The following TP73 variants were observed in gnomAD, a reference collection of about 807,000 sequenced individuals.
The protein encoded by TP73 is tumor protein p73.
Under a neutral mutation model 62.5 loss-of-function variants are expected in TP73, and 25 were observed. The observed-to-expected ratio is 0.40, with a 90% CI of 0.29 to 0.56. The LOEUF (loss-of-function observed/expected upper bound fraction) is 0.56, where lower values mean the gene tolerates loss of function less well. Among genes scored for constraint, TP73 ranks in the 20% least tolerant of loss-of-function variants. TP73 has a pLI of 0.46. For missense variants in TP73, 754 were observed against 913.3 expected (o/e 0.83, Z 2.25); for synonymous variants, 423 against 377.5 (o/e 1.12, Z -1.40).
chr1:3,666,458 C>T lies in TP73; in HGVS notation c.-34+13817C>T, dbSNP rs908500976. 5.9e-5 allele frequency among the ~76,000 whole-genome samples: 9 copies of T among 152,296 alleles called. No individual in the cohort carries two copies. Among genetic ancestry groups the T allele is most frequent in the Non-Finnish European group, 1.0e-4 (7 of 68,026 alleles). ...GGTCATATTGACAGTTTCACTTCTG[C>T]GGCATGCCCTCAGGAACTCACTGAT... On this transcript the variant is annotated intron_variant, in intron 1 of 13. Coordinates refer to ENST00000378295, the MANE Select transcript of TP73 (RefSeq NM_005427.4). The surrounding 1 kb of genome is among the most constrained non-coding windows in gnomAD (Gnocchi z 6.4).
At chr1:3,719,411 C>T (rs1213970576) in intron 4 of TP73, among the ~76,000 whole-genome samples, 2 of 152,240 alleles carry the variant, frequency 1.3e-5, no homozygotes, top group Non-Finnish European at 2.9e-5. Flanking sequence ...TTCCTCTCCC[C>T]TGCTCGGGGC....
In TP73 at chr1:3,662,922, A is replaced by G. The variant is rs1220846211; in HGVS notation, c.-34+10281A>G. Among the ~76,000 whole-genome samples, 1 of 152,182 alleles carries G rather than the reference A, an allele frequency of 6.6e-6. No homozygotes were observed. Among genetic ancestry groups the G allele is most frequent in the Non-Finnish European group, 1.5e-5 (1 of 68,028 alleles). On this transcript the variant is annotated intron_variant, in intron 1 of 13. Coordinates refer to ENST00000378295, the MANE Select transcript of TP73 (RefSeq NM_005427.4). The surrounding 1 kb of genome is among the most constrained non-coding windows in gnomAD (Gnocchi z 4.4). ...CCGAGCGCTCTCAGAGAAAAACGAA[A>G]TTCTCTTTTATAAGAGAAACTTGTC...
At chr1:3,697,992 C>T (rs1638821446) in intron 3 of TP73, 1 of 744,850 alleles carries the variant, frequency 1.3e-6, no homozygotes, top group Admixed American at 6.3e-5. Context: ...CCCTGCACTG[C>T]ACGTGTCATA....
At chr1:3,697,266 A>G (rs534226441) in intron 3 of TP73, among the ~76,000 whole-genome samples, 20 of 151,554 alleles carry the variant, frequency 1.3e-4, no homozygotes, top group African/African-American at 4.8e-4. Flanking sequence ...TCAACACCGG[A>G]GCCAGAGGGA....
At chr1:3,700,365 G>A (rs188170224) in intron 3 of TP73, among the ~76,000 whole-genome samples, 3 of 152,174 alleles carry the variant, frequency 2.0e-5, no homozygotes, top group Non-Finnish European at 2.9e-5. Flanking sequence ...TGGCACGGTC[G>A]TGACCTCCCA....
chr1:3,701,539 C>G lies in TP73; in HGVS notation c.187-6010C>G, dbSNP rs1332925186. The stretch of plus-strand genomic sequence containing the variant: ...GTTTTTTTCGAGACAGAGTCTTGCT[C>G]TGTCACCCAGGCTGGAGTGCTGTGG... On this transcript the variant is annotated intron_variant, in intron 3 of 13. Coordinates refer to ENST00000378295, the MANE Select transcript of TP73 (RefSeq NM_005427.4). This position sits in a 1 kb window ranked among gnomAD's most constrained non-coding sequence, Gnocchi z 4.7. Among the ~76,000 whole-genome samples the G allele has an allele frequency of 6.6e-6, 1 of 152,156 alleles. No individual in the cohort carries two copies. The highest frequency in any genetic ancestry group is 1.5e-5 in the Non-Finnish European group (1 of 68,018).
chr1:3,654,301 G>A (rs191141874), intron 1 of TP73, among the ~76,000 whole-genome samples: 17 of 152,232 alleles, frequency 1.1e-4, no homozygotes, highest in South Asian at 2.1e-4. Flanking sequence ...TATGCGCGGC[G>A]GCCACCAGAG....
chr1:3,682,990 G>C, intron 2 of TP73, 70 bp from the exon 3 acceptor site: 5 of 1,542,396 alleles, frequency 3.2e-6, no homozygotes, highest in Non-Finnish European at 4.4e-6. Context: ...CTTGAGCTCT[G>C]GGCCTGGGAG....
chr1:3,716,036 C>T (rs1640567231), intron 4 of TP73, among the ~76,000 whole-genome samples: 1 of 152,186 alleles, frequency 6.6e-6, no homozygotes, highest in Non-Finnish European at 1.5e-5. Flanking sequence ...GGACATGGCT[C>T]AAGGTCGTGG....
intron 1 of TP73, among the ~76,000 whole-genome samples, chr1:3,657,216 C>A (rs954802533): frequency 6.6e-6 from 1 of 152,212 alleles, no homozygotes; most frequent in Non-Finnish European, 1.5e-5. Context: ...CAGGTGTGGG[C>A]AGGGTCGGGT....
At chr1:3,691,985 G>T (rs755871809) in intron 3 of TP73, among the ~76,000 whole-genome samples, 1 of 151,822 alleles carries the variant, frequency 6.6e-6, no homozygotes, top group African/African-American at 2.4e-5. Context: ...ATTGGTGTGC[G>T]TGCATGTGTG....
Position 3,677,689 on chromosome 1 carries a change from CCT to C in TP73, c.-33-4643_-33-4642del, listed in dbSNP as rs775767590. 9.5e-5 allele frequency among the ~76,000 whole-genome samples: 13 copies of C among 137,216 alleles called. 2 individuals are homozygous for C. Among genetic ancestry groups the C allele is most frequent in the Non-Finnish European group, 6.3e-5 (4 of 63,330 alleles). The allele number at this position is 137,216 out of a possible 152,430, so 90.0% of individuals were successfully genotyped here. On this transcript the variant is annotated intron_variant, in intron 1 of 13. Coordinates refer to ENST00000378295, the MANE Select transcript of TP73 (RefSeq NM_005427.4). ...CTCATTTATTTCATTTCCTTCCTTC[CCT>C]TTTTTTTTTTTTTTTTTTTAGAGTT...
At chr1:3,674,468 G>A (rs544434717) in intron 1 of TP73, among the ~76,000 whole-genome samples, 105 of 152,376 alleles carry the variant, frequency 6.9e-4, no homozygotes, top group Non-Finnish European at 1.0e-3. Flanking sequence ...GGTGAGGGGG[G>A]CTCTCAGCCG....
chr1:3,731,880 G>A (rs1020472654), intron 13 of TP73, among the ~76,000 whole-genome samples: 1 of 152,228 alleles, frequency 6.6e-6, no homozygotes, highest in Admixed American at 6.5e-5. Flanking sequence ...GTAAGGCCCC[G>A]AGGGAGTCAG....
chr1:3,690,918 G>A lies in TP73; in HGVS notation c.186+7738G>A, dbSNP rs367573010. On this transcript the variant is annotated intron_variant, in intron 3 of 13. Coordinates refer to ENST00000378295, the MANE Select transcript of TP73 (RefSeq NM_005427.4). ...CCCGGCGCCTACCATGCTGTACGTCGGTGACCCCGCACGGCACCTCGCCAC... is the reference window on the plus strand; with the variant it reads ...CCCGGCGCCTACCATGCTGTACGTCAGTGACCCCGCACGGCACCTCGCCAC... 1.0e-5 allele frequency: 16 copies of A among 1,581,152 alleles called. No individual in the cohort carries two copies. The highest frequency in any genetic ancestry group is 2.7e-5 in the African/African-American group (2 of 74,302).
At chr1:3,728,267 C>T (rs765010841) in intron 9 of TP73, 50 bp downstream of exon 9, 16 of 1,580,932 alleles carry the variant, frequency 1.0e-5, no homozygotes, top group Admixed American at 3.4e-5. Context: ...TCACCTCTGT[C>T]GTCTGCTGAG....
At chr1:3,705,567 G>A (rs569294924) in intron 3 of TP73, among the ~76,000 whole-genome samples, 4 of 152,362 alleles carry the variant, frequency 2.6e-5, no homozygotes, top group Admixed American at 6.5e-5. Context: ...GGCACGGGTC[G>A]CCCCTGACGG....
intron 1 of TP73, among the ~76,000 whole-genome samples, chr1:3,679,644 GTCTC>G (rs377716448): frequency 3.9e-4 from 57 of 144,554 alleles, no homozygotes; most frequent in Non-Finnish European, 5.3e-4. Context: ...CTCTGTCTCT[GTCTC>G]TCTCTCTCTT....
At chr1:3,732,724 C>T in intron 13 of TP73, 23 bp from the exon 14 acceptor site, 4 of 1,547,898 alleles carry the variant, frequency 2.6e-6, no homozygotes, top group Non-Finnish European at 3.5e-6. Context: ...GCCCCCTGCC[C>T]CTAATGCGCC....
Sources: gnomAD v4.1 joint callset for allele counts (sites outside exome capture counted in the v4.1 genomes callset) on GRCh38, gnomAD v4.1.1 for gene constraint, Gnocchi (gnomAD v3.1) non-coding constraint, MANE v1.5 for transcripts, NCBI Gene and HGNC (gene_info 2026-07-23, HGNC 2026-07-21) for gene names.